Variants in SGCZ observed in about 807,000 individuals in gnomAD.
The protein encoded by SGCZ is zeta-sarcoglycan.
SGCZ carries 40 observed loss-of-function variants against 41.3 expected under a neutral mutation model. The ratio of observed to expected loss-of-function variants is 0.97; its 90% CI spans 0.75 to 1.26. The LOEUF (loss-of-function observed/expected upper bound fraction) is 1.26, where lower values mean the gene tolerates loss of function less well. Ranked by LOEUF, SGCZ falls within the 50% of genes most tolerant of loss-of-function variation. The pLI, the probability that SGCZ is intolerant of heterozygous loss-of-function variation, is 0.00. For synonymous variants in SGCZ, 206 were observed against 137.5 expected (o/e 1.50, Z -3.49); for missense variants, 552 against 369.8 (o/e 1.49, Z -4.04).
intron 2 of SGCZ, among the ~76,000 whole-genome samples, chr8:14,422,893 T>C (rs973724139): frequency 6.6e-6 from 1 of 151,964 alleles, no homozygotes; most frequent in Admixed American, 6.6e-5. Flanking sequence ...CCAGGCATGG[T>C]GATGCACACA....
rs575442540 is a variant in SGCZ at position 14,378,024 on chromosome 8, T to C, written c.235-53820A>G. On this transcript the variant is annotated intron_variant, in intron 2 of 7. Transcript: ENST00000382080. ...TGTGTCTTTATAGCAGCATGATTTA[T>C]AGTCCTTTGGGCATATACCCAGTAA... Among the ~76,000 whole-genome samples the C allele has an allele frequency of 2.0e-5, 3 of 149,554 alleles. No individual in the cohort carries two copies. The East Asian group carries it at 5.8e-4, about 29-fold the overall frequency.
In SGCZ at chr8:14,090,254, C is replaced by A. The variant is rs1239313166; in HGVS notation, c.*189G>T. ...ACGCTTTTTCCACTGCTGTGTCAATCACACCCTCTGTGTTGAGCAGTACAG... is the reference window on the plus strand; with the variant it reads ...ACGCTTTTTCCACTGCTGTGTCAATAACACCCTCTGTGTTGAGCAGTACAG... On this transcript the variant is annotated 3_prime_UTR_variant, in exon 8 of 8. Coordinates refer to ENST00000382080, the MANE Select transcript of SGCZ (RefSeq NM_139167.4). 2 of 475,406 alleles carry A rather than the reference C, an allele frequency of 4.2e-6. No homozygotes were observed. Among genetic ancestry groups the A allele is most frequent in the Non-Finnish European group, 7.1e-6 (2 of 281,744 alleles). The allele number at this position is 475,406 out of a possible 1,614,324, so 29.4% of individuals were successfully genotyped here.
chr8:14,701,227 G>T (rs1289342474), intron 1 of SGCZ, among the ~76,000 whole-genome samples: 1 of 151,902 alleles, frequency 6.6e-6, no homozygotes, highest in African/African-American at 2.4e-5. Context: ...GCATGGGATT[G>T]TTCAACAGTC....
At chr8:14,502,795 A>C (rs115526782) in intron 2 of SGCZ, among the ~76,000 whole-genome samples, 1 of 152,194 alleles carries the variant, frequency 6.6e-6, no homozygotes, top group Non-Finnish European at 1.5e-5. Flanking sequence ...AAAAGTCAAG[A>C]AAGAACAGAT....
At position 14,881,332 on chromosome 8, in the gene SGCZ, T is replaced by G. The variant is rs185760365; in HGVS notation, c.40-326406A>C. On this transcript the variant is annotated intron_variant, in intron 1 of 7. Coordinates refer to ENST00000382080, the MANE Select transcript of SGCZ (RefSeq NM_139167.4). ...CTTTAAAGAGGCTTTATTTGTTTTT[T>G]CCTTTGCTCCTAACCTGAATCCCAC... Among the ~76,000 whole-genome samples the G allele has an allele frequency of 1.8e-3, 273 of 152,288 alleles. 2 individuals carry two copies. The highest frequency in any genetic ancestry group is 3.4e-3 in the Middle Eastern group (1 of 294).
intron 1 of SGCZ, among the ~76,000 whole-genome samples, chr8:15,063,791 G>C (rs1208452927): frequency 6.6e-6 from 1 of 152,154 alleles, no homozygotes; most frequent in East Asian, 1.9e-4. Context: ...AGTTCTACTT[G>C]AAATTGAGTT....
intron 1 of SGCZ, among the ~76,000 whole-genome samples, chr8:14,711,359 G>A (rs1194612484): frequency 6.6e-6 from 1 of 150,672 alleles, no homozygotes. Context: ...GGAGGCTGAG[G>A]CTGGCAGATC....
chr8:14,717,753 T>A (rs1254479301), intron 1 of SGCZ, among the ~76,000 whole-genome samples: 1 of 152,138 alleles, frequency 6.6e-6, no homozygotes. Flanking sequence ...GCACTTGAAT[T>A]CTAATCACAA....
At chr8:14,281,432 T>C (rs1187426733) in intron 3 of SGCZ, among the ~76,000 whole-genome samples, 1 of 149,082 alleles carries the variant, frequency 6.7e-6, no homozygotes, top group South Asian at 2.2e-4. Flanking sequence ...AATATTTGTA[T>C]CCACTAAGGT....
chr8:14,544,589 A>ATGGGAATGTCTGTCTTG (rs1803568197), intron 2 of SGCZ, among the ~76,000 whole-genome samples: 1 of 151,784 alleles, frequency 6.6e-6, no homozygotes. Flanking sequence ...AATGGTCGCT[A>ATGGGAATGTCTGTCTTG]TGGGAATGTC....
intron 1 of SGCZ, among the ~76,000 whole-genome samples, chr8:14,651,100 G>C (rs956182549): frequency 6.6e-6 from 1 of 151,834 alleles, no homozygotes; most frequent in African/African-American, 2.4e-5. Context: ...GTTCTTCCTA[G>C]CCAATGGTAA....
At chr8:15,199,098 T>G (rs1800819579) in intron 1 of SGCZ, among the ~76,000 whole-genome samples, 1 of 152,172 alleles carries the variant, frequency 6.6e-6, no homozygotes, top group African/African-American at 2.4e-5. Context: ...CTTCATAAAT[T>G]TTTAGGAACA....
rs1358690219 is a variant in SGCZ, at chr8:15,003,193, T to A, written c.39+234392A>T. On this transcript the variant is annotated intron_variant, in intron 1 of 7. Coordinates refer to ENST00000382080, the MANE Select transcript of SGCZ (RefSeq NM_139167.4). The stretch of plus-strand genomic sequence containing the variant: ...TGCCAAGAGATAATTTAGCCAGAAA[T>A]AAAATTTACTGAAGGAAAATGGAGA... 3.9e-5 allele frequency among the ~76,000 whole-genome samples: 6 copies of A among 152,036 alleles called. No homozygotes were observed. In the East Asian group the frequency reaches 9.6e-4, roughly 24 times the overall value.
intron 1 of SGCZ, among the ~76,000 whole-genome samples, chr8:14,623,937 T>C (rs1378099825): frequency 6.6e-6 from 1 of 152,200 alleles, no homozygotes; most frequent in Non-Finnish European, 1.5e-5. Context: ...ACTATTTTGT[T>C]AGGACACTGA....
chr8:14,700,662 T>C (rs1809106360), intron 1 of SGCZ, among the ~76,000 whole-genome samples: 1 of 152,030 alleles, frequency 6.6e-6, no homozygotes, highest in Non-Finnish European at 1.5e-5. Context: ...TTCATATATT[T>C]AATAAAATGA....
intron 3 of SGCZ, among the ~76,000 whole-genome samples, chr8:14,263,058 T>C (rs1343926614): frequency 6.6e-6 from 1 of 152,204 alleles, no homozygotes; most frequent in African/African-American, 2.4e-5. Flanking sequence ...TATTTTGGAA[T>C]TGTTTCATGA....
At chr8:14,154,507 A>G (rs954215463) in intron 5 of SGCZ, among the ~76,000 whole-genome samples, 1 of 152,196 alleles carries the variant, frequency 6.6e-6, no homozygotes, top group Non-Finnish European at 1.5e-5. Context: ...GTATTCTGAA[A>G]CATGTTACCC....
intron 1 of SGCZ, among the ~76,000 whole-genome samples, chr8:14,950,947 GT>G (rs1800615666): frequency 6.6e-6 from 1 of 151,986 alleles, no homozygotes; most frequent in Admixed American, 6.6e-5. Flanking sequence ...AAAATTCAAA[GT>G]TTTGAATGTA....
chr8:14,668,244 G>A lies in SGCZ; in HGVS notation c.40-113318C>T, dbSNP rs1177881720. Among the ~76,000 whole-genome samples the A allele has an allele frequency of 2.0e-5, 3 of 152,304 alleles. No individual in the cohort carries two copies. In the East Asian group the frequency reaches 5.8e-4, roughly 29 times the overall value. On this transcript the variant is annotated intron_variant, in intron 1 of 7. Transcript: ENST00000382080. ...CAAAGTGCTGGGATTACAGGCGTGA[G>A]CCACCGCCCCCAGCCCAGATTTATT...
Sources: allele counts gnomAD v4.1 joint callset (sites outside exome capture counted in the v4.1 genomes callset), GRCh38; gene constraint gnomAD v4.1.1; transcripts MANE v1.5; gene names NCBI Gene and HGNC (gene_info 2026-07-23, HGNC 2026-07-21).